Variants in CCND3 observed in about 807,000 individuals in gnomAD.
CCND3 encodes the protein G1/S-specific cyclin-D3.
Under a neutral mutation model 28.7 loss-of-function variants are expected in CCND3, and 9 were observed. The ratio of observed to expected loss-of-function variants is 0.31; its 90% confidence interval spans 0.19 to 0.55. The LOEUF is 0.55. CCND3 is among the 20% of genes least tolerant of loss of function. The probability of loss-of-function intolerance (pLI) is 0.93; values close to 1 mark genes in which losing one functional copy is unlikely to be tolerated. For synonymous variants in CCND3, 164 were observed against 163.9 expected, an observed-to-expected ratio of 1.00 and a Z score of 0.00; for missense variants, 315 against 385.8, an observed-to-expected ratio of 0.82 and a Z score of 1.54.
chr6:41,947,308 G>A (rs1776195996), intron 1 of CCND3, among the ~76,000 whole-genome samples: 1 of 152,106 alleles, frequency 6.6e-6, no homozygotes, highest in African/African-American at 2.4e-5. Flanking sequence ...CCAAATCAGA[G>A]TTGGTGTGAA....
chr6:42,009,471 G>A (rs1165793486), intron 1 of CCND3, among the ~76,000 whole-genome samples: 1 of 152,194 alleles, frequency 6.6e-6, no homozygotes, highest in Non-Finnish European at 1.5e-5. Context: ...AATTAGCCAG[G>A]TGTGGTGGCG....
chr6:42,032,952 C>CCTTAT (rs1764085203), intron 1 of CCND3, among the ~76,000 whole-genome samples: 1 of 152,178 alleles, frequency 6.6e-6, no homozygotes, highest in Non-Finnish European at 1.5e-5. Context: ...TTATATTAGT[C>CCTTAT]AGTCCACTTC....
intron 1 of CCND3, among the ~76,000 whole-genome samples, chr6:42,046,011 C>T (rs1203036222): frequency 3.9e-5 from 6 of 152,216 alleles, no homozygotes. Context: ...TTAAGGTTCA[C>T]GTCCTGCTTA....
chr6:42,003,525 C>CAAAAAAAAAAAAAAAAAAAAAAAA (rs61494473), intron 1 of CCND3, among the ~76,000 whole-genome samples: 2 of 73,520 alleles, frequency 2.7e-5, no homozygotes, highest in Admixed American at 3.1e-4. Flanking sequence ...GACTCTGTCT[C>CAAAAAAAAAAAAAAAAAAAAAAAA]AAAAAAAAAA....
intron 1 of CCND3, among the ~76,000 whole-genome samples, chr6:42,024,426 C>A (rs1763810450): frequency 1.4e-5 from 2 of 140,146 alleles, no homozygotes; most frequent in African/African-American, 2.7e-5. Flanking sequence ...AATAATAATT[C>A]ACCCTGATAA....
Position 41,991,772 on chromosome 6 carries a change from G to A in CCND3, c.-45-51187C>T, listed in dbSNP as rs752552029. Among the ~76,000 whole-genome samples the A allele has an allele frequency of 2.6e-5, 4 of 151,884 alleles. No individual in the cohort carries two copies. The South Asian group carries it at 8.3e-4, about 32-fold the overall frequency. ...TTTCCCCTCCCCTTTCCATCCTCTA[G>A]TATTTTCTGTTCTACTTTTTCCTTC... On this transcript the variant is annotated intron_variant, in intron 1 of 4. Coordinates refer to the CCND3 transcript ENST00000372988.
In CCND3 at chr6:41,974,896, G is replaced by A. The variant is rs182766420; in HGVS notation, c.-45-34311C>T. ...CAACCTCCGCCTCCCAGGTTCAAGC[G>A]ATTCTCCTGCCTCAGCCTCCCGAGT... On this transcript the variant is annotated intron_variant, in intron 1 of 4. Coordinates refer to the CCND3 transcript ENST00000372988. 3.3e-3 allele frequency among the ~76,000 whole-genome samples: 501 copies of A among 150,132 alleles called. 4 individuals are homozygous for A. Among genetic ancestry groups the A allele is most frequent in the African/African-American group, 0.011 (462 of 40,772 alleles).
rs759938253 is a variant in CCND3 at position 41,937,314 on chromosome 6, C to T, written c.495G>A (p.Leu165=). Residue 165 remains leucine (L), a synonymous_variant, in exon 3 of 5, where the codon CTG becomes CTA. Coordinates refer to ENST00000372991, the MANE Select transcript of CCND3 (RefSeq NM_001760.5). ...GGTCACGGGGCAGAGAGAGCCGGTG[C>T]AGAATGAAGGCCAGGAAATCATGTG... ...VIAHDFLAFI[L]HRLSLPRDRQ... The T allele has an allele frequency of 1.9e-6, 3 of 1,614,004 alleles. No homozygotes were observed. The highest frequency in any genetic ancestry group is 2.5e-6 in the Non-Finnish European group (3 of 1,180,036).
At chr6:41,954,503 A>G (rs1776393375) in intron 1 of CCND3, among the ~76,000 whole-genome samples, 1 of 150,248 alleles carries the variant, frequency 6.7e-6, no homozygotes, top group African/African-American at 2.5e-5. Context: ...GTGAGCGGAG[A>G]ATAGCGCCAT....
chr6:41,951,604 G>T (rs1776320554), intron 1 of CCND3, among the ~76,000 whole-genome samples: 1 of 148,992 alleles, frequency 6.7e-6, no homozygotes, highest in Admixed American at 6.8e-5. Context: ...GGAGTAAGAA[G>T]AGAGAAGCAG....
chr6:42,018,840 G>C (rs1037591689), intron 1 of CCND3, among the ~76,000 whole-genome samples: 1 of 149,622 alleles, frequency 6.7e-6, no homozygotes, highest in African/African-American at 2.5e-5. Context: ...GTGGTGAGCC[G>C]AGATCGTGCC....
chr6:42,006,304 T>TA (rs57086691), intron 1 of CCND3, among the ~76,000 whole-genome samples: 53,927 of 149,106 alleles, frequency 0.36, 10,441 homozygotes, highest in Middle Eastern at 0.5. Flanking sequence ...TTTAGAGGTT[T>TA]AAAAAAAAAA....
intron 1 of CCND3, among the ~76,000 whole-genome samples, chr6:42,035,657 G>A (rs764880761): frequency 6.9e-6 from 1 of 145,054 alleles, no homozygotes; most frequent in Non-Finnish European, 1.5e-5. Flanking sequence ...GTTAGCCACC[G>A]TGCCCAGCTA....
At chr6:41,990,455 C>T (rs1447652492) in intron 1 of CCND3, among the ~76,000 whole-genome samples, 5 of 151,888 alleles carry the variant, frequency 3.3e-5, no homozygotes, top group East Asian at 1.9e-4. Context: ...TCCTAAAATT[C>T]ATAAGAAACC....
At chr6:41,956,418 G>A (rs1330764245) in intron 1 of CCND3, among the ~76,000 whole-genome samples, 2 of 152,192 alleles carry the variant, frequency 1.3e-5, no homozygotes, top group African/African-American at 4.8e-5. Flanking sequence ...TGCTGGCTCC[G>A]CCTCCATTAC....
intron 1 of CCND3, among the ~76,000 whole-genome samples, chr6:41,971,178 A>G (rs1048105091): frequency 2.0e-5 from 3 of 152,162 alleles, no homozygotes; most frequent in African/African-American, 7.2e-5. Flanking sequence ...TCGGCATCCC[A>G]AAGTGTTGGG....
At chr6:41,976,698 C>T (rs1455464457) in intron 1 of CCND3, among the ~76,000 whole-genome samples, 2 of 152,052 alleles carry the variant, frequency 1.3e-5, no homozygotes, top group Non-Finnish European at 2.9e-5. Context: ...ATTCTTACTC[C>T]CATTTTATAT....
chr6:41,997,092 CG>C, intron 1 of CCND3, among the ~76,000 whole-genome samples: 1 of 152,174 alleles, frequency 6.6e-6, no homozygotes, highest in Non-Finnish European at 1.5e-5. Flanking sequence ...GCCCACACAA[CG>C]GATGCACAGA....
Position 42,041,753 on chromosome 6 carries a change from C to T in CCND3, c.-46+6748G>A, listed in dbSNP as rs180958592. ...CAGCACCCAGCATGGCAAAGCTTAACAAACCAGAGCTTAAGACTTTGCGAA... is the reference window on the plus strand; with the variant it reads ...CAGCACCCAGCATGGCAAAGCTTAATAAACCAGAGCTTAAGACTTTGCGAA... On this transcript the variant is annotated intron_variant, in intron 1 of 4. Transcript: ENST00000372988. Among the ~76,000 whole-genome samples the T allele has an allele frequency of 1.5e-4, 23 of 152,322 alleles. No individual in the cohort carries two copies. In the East Asian group the frequency reaches 4.4e-3, roughly 29 times the overall value.
Sources: gnomAD v4.1 joint callset for allele counts (sites outside exome capture counted in the v4.1 genomes callset) on GRCh38, gnomAD v4.1.1 for gene constraint, MANE v1.5 for transcripts, NCBI Gene and HGNC (gene_info 2026-07-23, HGNC 2026-07-21) for gene names.